SAMMSON: variants seen among roughly 807,000 people sequenced by gnomAD.
The protein encoded by SAMMSON is survival associated mitochondrial melanoma specific oncogenic non-coding RNA.
At chr3:70,012,669 G>A (rs113868671) in intron 2 of SAMMSON, 1 of 152,118 alleles carries the variant, frequency 6.6e-6, no homozygotes, top group Admixed American at 6.5e-5. Context: ...GAAAACTGGT[G>A]TACTTACTTG....
intron 6 of SAMMSON, among the ~76,000 whole-genome samples, chr3:70,286,000 T>C (rs1575615711): frequency 1.3e-5 from 2 of 151,858 alleles, no homozygotes; most frequent in South Asian, 2.1e-4. Context: ...TTCTCCCATT[T>C]TGTAGGTTGC....
intron 2 of SAMMSON, among the ~76,000 whole-genome samples, chr3:70,423,817 A>G (rs980230750): frequency 1.3e-5 from 2 of 152,144 alleles, no homozygotes; most frequent in African/African-American, 4.8e-5. Flanking sequence ...TAATACAGAA[A>G]CTCTAAGACT....
intron 4 of SAMMSON, among the ~76,000 whole-genome samples, chr3:70,248,287 T>G (rs540347310): frequency 6.6e-6 from 1 of 152,210 alleles, no homozygotes; most frequent in East Asian, 1.9e-4. Context: ...CTAAATAGAT[T>G]GCAGGAATGT....
At chr3:70,381,056 C>G (rs1703062008) in intron 9 of SAMMSON, among the ~76,000 whole-genome samples, 1 of 152,096 alleles carries the variant, frequency 6.6e-6, no homozygotes, top group African/African-American at 2.4e-5. Context: ...TGGGTATATA[C>G]CCAGTAATGA....
intron 3 of SAMMSON, among the ~76,000 whole-genome samples, chr3:70,039,592 T>TACACACACACAC (rs1559778544): frequency 1.1e-5 from 1 of 90,078 alleles, no homozygotes; most frequent in African/African-American, 4.2e-5. Flanking sequence ...AACACATCTC[T>TACACACACACAC]TCACACACAC....
At chr3:70,008,981 G>A (rs2066942017) in intron 1 of SAMMSON, 1 of 152,164 alleles carries the variant, frequency 6.6e-6, no homozygotes, top group Admixed American at 6.5e-5. Flanking sequence ...GCATCCCAGG[G>A]ATGAAGCCCA....
At chr3:70,424,554 CAT>C (rs1282055139) in intron 2 of SAMMSON, among the ~76,000 whole-genome samples, 4 of 151,900 alleles carry the variant, frequency 2.6e-5, no homozygotes, top group Non-Finnish European at 4.4e-5. Context: ...GACTTTATAA[CAT>C]GTAAAAATTA....
intron 4 of SAMMSON, among the ~76,000 whole-genome samples, chr3:70,218,260 G>T (rs2106734727): frequency 6.6e-6 from 1 of 152,238 alleles, no homozygotes; most frequent in Non-Finnish European, 1.5e-5. Context: ...AACTATTTCT[G>T]CATGTTTTAT....
At chr3:70,087,630 G>A (rs2067290658) in intron 4 of SAMMSON, among the ~76,000 whole-genome samples, 2 of 152,204 alleles carry the variant, frequency 1.3e-5, no homozygotes, top group Non-Finnish European at 2.9e-5. Flanking sequence ...GAAAACATGA[G>A]AGAAGAGAAG....
intron 2 of SAMMSON, among the ~76,000 whole-genome samples, chr3:70,397,364 G>C (rs1401210986): frequency 6.6e-6 from 1 of 152,014 alleles, no homozygotes; most frequent in Non-Finnish European, 1.5e-5. Context: ...AAGTGCAGTG[G>C]CACCATCTTG....
At chr3:70,103,368 C>T (rs1161201620) in intron 4 of SAMMSON, among the ~76,000 whole-genome samples, 1 of 152,098 alleles carries the variant, frequency 6.6e-6, no homozygotes, top group Non-Finnish European at 1.5e-5. Context: ...CAATGTTTCC[C>T]AGTTTACATA....
At chr3:70,278,890 T>G (rs1408450697) in intron 6 of SAMMSON, among the ~76,000 whole-genome samples, 3 of 151,720 alleles carry the variant, frequency 2.0e-5, no homozygotes, top group Non-Finnish European at 4.4e-5. Flanking sequence ...AATTGTAACG[T>G]AGAGAGCTAG....
chr3:70,048,165 G>A (rs1483005759), intron 3 of SAMMSON, among the ~76,000 whole-genome samples: 2 of 151,866 alleles, frequency 1.3e-5, no homozygotes, highest in Non-Finnish European at 2.9e-5. Flanking sequence ...CTGTGCTACC[G>A]GCTGTGAATA....
intron 6 of SAMMSON, among the ~76,000 whole-genome samples, chr3:70,256,367 A>G (rs1460935233): frequency 6.6e-6 from 1 of 152,212 alleles, no homozygotes; most frequent in Non-Finnish European, 1.5e-5. Flanking sequence ...GATCTATTAT[A>G]TAAACTAATC....
At chr3:70,127,668 A>G (rs9868919) in intron 4 of SAMMSON, 50,205 of 151,814 alleles carry the variant, frequency 0.33, 9,123 homozygotes, top group East Asian at 0.7. Context: ...TTGAGACAAA[A>G]TCTTGCTCTG....
chr3:70,386,827 A>G, intron 9 of SAMMSON, among the ~76,000 whole-genome samples: 1 of 152,082 alleles, frequency 6.6e-6, no homozygotes, highest in East Asian at 1.9e-4. Context: ...CGAGTTTTAC[A>G]TTTAATGAAA....
At chr3:70,188,257 G>A (rs1173895193) in intron 4 of SAMMSON, among the ~76,000 whole-genome samples, 2 of 152,074 alleles carry the variant, frequency 1.3e-5, no homozygotes. Context: ...GTGTTGTCTT[G>A]GTGTTAGAAA....
intron 9 of SAMMSON, among the ~76,000 whole-genome samples, chr3:70,383,679 T>C (rs901881279): frequency 2.6e-5 from 4 of 151,998 alleles, no homozygotes; most frequent in Non-Finnish European, 5.9e-5. Flanking sequence ...GGATGATTGG[T>C]GCCACTGCAA....
downstream of SAMMSON, among the ~76,000 whole-genome samples, chr3:70,394,662 T>G (rs1352863921): frequency 6.6e-6 from 1 of 152,268 alleles, no homozygotes; most frequent in Non-Finnish European, 1.5e-5. Context: ...CGTTTAACAA[T>G]GATTAAAATG....
Sources: gnomAD v4.1 joint callset for allele counts (sites outside exome capture counted in the v4.1 genomes callset) on GRCh38, gnomAD v4.1.1 for gene constraint, MANE v1.5 for transcripts, NCBI Gene and HGNC (gene_info 2026-07-23, HGNC 2026-07-21) for gene names.